Variants in SRSF1 observed in about 807,000 individuals in gnomAD.
The protein encoded by SRSF1 is serine/arginine-rich splicing factor 1.
SRSF1 carries 1 observed loss-of-function variant against 25.9 expected under a neutral mutation model. The observed-to-expected ratio is 0.04, with a 90% CI of 0.01 to 0.18. SRSF1 has a LOEUF of 0.18. Among genes scored for constraint, SRSF1 ranks in the 10% least tolerant of loss-of-function variants. SRSF1 has a pLI of 1.00. For missense variants in SRSF1, 65 were observed against 350.5 expected, an observed-to-expected ratio of 0.19 and a Z score of 6.50; for synonymous variants, 132 against 126.2, an observed-to-expected ratio of 1.05 and a Z score of -0.31.
chr17:58,006,837 A>C (rs2075432843), intron 1 of SRSF1, 107 bp downstream of exon 1: 1 of 1,356,572 alleles, frequency 7.4e-7, no homozygotes, highest in Non-Finnish European at 1.0e-6. Flanking sequence ...TCTCGCCCCA[A>C]CCTCTCTAAG....
chr17:57,989,146 C>T, the SRSF1 span: 2 of 398,404 alleles, frequency 5.0e-6, no homozygotes, highest in Admixed American at 4.4e-5. Flanking sequence ...CTGAGGTGAC[C>T]CCAGCCTGTT....
At chr17:57,999,271 C>A (rs116151458), downstream of SRSF1, among the ~76,000 whole-genome samples, 1,164 of 152,304 alleles carry the variant, frequency 7.6e-3, 11 homozygotes, top group African/African-American at 0.027. Context: ...AAAGCATATT[C>A]ATTTCTTCTA....
rs1286608309 is a variant in SRSF1, at chr17:58,005,758, G to A, written c.552+43C>T. 25 of 1,613,980 alleles carry A rather than the reference G, an allele frequency of 1.5e-5. No homozygotes were observed. The Admixed American group carries it at 2.3e-4, about 15-fold the overall frequency. On this transcript the variant is annotated intron_variant, in intron 3 of 3. Coordinates refer to ENST00000258962, the MANE Select transcript of SRSF1 (RefSeq NM_006924.5). This position sits in a 1 kb window ranked among gnomAD's most constrained non-coding sequence, Gnocchi z 5.2. ...TTGAAATTCCACTGTTAAGACCACT[G>A]TATCCAATTCTGGTCAAAGAAAAGA...
the SRSF1 span, among the ~76,000 whole-genome samples, chr17:57,995,252 A>T: frequency 6.6e-6 from 1 of 152,234 alleles, no homozygotes; most frequent in Admixed American, 6.5e-5. Flanking sequence ...TACAAATTTA[A>T]GTGTATACTC....
In SRSF1 at chr17:58,002,298, A is replaced by G. The variant is rs2075397070; in HGVS notation, c.*3108T>C. Among the ~76,000 whole-genome samples the G allele has an allele frequency of 6.6e-6, 1 of 152,184 alleles. No homozygotes were observed. The highest frequency in any genetic ancestry group is 6.5e-5 in the Admixed American group (1 of 15,274). ...CAACTTAACATCCCCTCTTCCCAAC[A>G]TTCCACAACGTTCATTAAAATCTAC... On this transcript the variant is annotated 3_prime_UTR_variant, in exon 4 of 4. Coordinates refer to ENST00000258962, the MANE Select transcript of SRSF1 (RefSeq NM_006924.5).
At chr17:57,993,215 C>G in the SRSF1 span, 2 of 152,092 alleles carry the variant, frequency 1.3e-5, no homozygotes, top group Admixed American at 6.6e-5. Flanking sequence ...ACGGTGAAAC[C>G]CTGTCTCTAC....
the SRSF1 span, chr17:57,992,899 C>T: frequency 6.6e-6 from 1 of 152,130 alleles, no homozygotes; most frequent in Admixed American, 6.5e-5. Context: ...AGTATACTCC[C>T]TGGGTAAGGA....
the SRSF1 span, chr17:57,991,363 GTT>G: frequency 6.6e-6 from 1 of 152,110 alleles, no homozygotes; most frequent in Non-Finnish European, 1.5e-5. Flanking sequence ...TATCTCTGCC[GTT>G]GTCAATTACC....
At chr17:57,996,347 G>A (rs796364439), downstream of SRSF1, among the ~76,000 whole-genome samples, 29 of 152,054 alleles carry the variant, frequency 1.9e-4, no homozygotes, top group African/African-American at 6.8e-4. Flanking sequence ...AGCTAGGTGT[G>A]GTGGCAGGTG....
downstream of SRSF1, among the ~76,000 whole-genome samples, chr17:57,998,731 C>T (rs917664005): frequency 2.0e-5 from 3 of 152,122 alleles, no homozygotes; most frequent in African/African-American, 7.2e-5. Flanking sequence ...TTAGTGTTAC[C>T]TTAGCAGGCA....
chr17:57,995,557 T>TAGAACAACCCTCAGCACACAGGGTA, the SRSF1 span, among the ~76,000 whole-genome samples: 1 of 152,208 alleles, frequency 6.6e-6, no homozygotes, highest in Admixed American at 6.5e-5. Flanking sequence ...AGTCCTACTC[T>TAGAACAACCCTCAGCACACAGGGTA]AGAACAACCC....
At chr17:57,989,749 G>A in the SRSF1 span, 1 of 398,668 alleles carries the variant, frequency 2.5e-6, no homozygotes, top group Non-Finnish European at 4.4e-6. Flanking sequence ...AAGTTCTGCA[G>A]TTTGGATCAG....
chr17:58,005,773 C>G lies in SRSF1; in HGVS notation c.552+28G>C. ...TAAGACCACTGTATCCAATTCTGGT[C>G]AAAGAAAAGAATACGTGTATAACCT... is the stretch of plus-strand genomic sequence containing the variant. On this transcript the variant is annotated intron_variant, in intron 3 of 3. Coordinates refer to ENST00000258962, the MANE Select transcript of SRSF1 (RefSeq NM_006924.5). The surrounding 1 kb of genome is among the most constrained non-coding windows in gnomAD (Gnocchi z 5.2). 6.2e-7 allele frequency: 1 copy of G among 1,614,060 alleles called. No homozygotes were observed. The highest frequency in any genetic ancestry group is 8.5e-7 in the Non-Finnish European group (1 of 1,180,022).
chr17:57,996,677 G>C (rs1446347567), downstream of SRSF1, among the ~76,000 whole-genome samples: 3 of 152,112 alleles, frequency 2.0e-5, no homozygotes, highest in Non-Finnish European at 4.4e-5. Context: ...CATTAGGTGT[G>C]ATCATGAAGG....
chr17:57,995,950 G>A (rs958329426), downstream of SRSF1, among the ~76,000 whole-genome samples: 3 of 152,268 alleles, frequency 2.0e-5, no homozygotes, highest in African/African-American at 7.2e-5. Context: ...CAAAAAGTCT[G>A]AGAAACAGAG....
rs2075409076 is a variant in SRSF1, at chr17:58,003,802, G to C, written c.*1604C>G. The C allele has an allele frequency of 6.6e-6, 1 of 152,492 alleles. No individual in the cohort carries two copies. Among genetic ancestry groups the C allele is most frequent in the Non-Finnish European group, 1.5e-5 (1 of 68,000 alleles). 9.4% of individuals were successfully genotyped at this position (152,492 alleles called of 1,614,324 possible). Reference sequence around the variant, plus strand: ...AAAAATAGGAAAAAAAAAATCTTTGGAATAGCCAATTAAGTTGAATAAAAA... The same window carrying C: ...AAAAATAGGAAAAAAAAAATCTTTGCAATAGCCAATTAAGTTGAATAAAAA... On this transcript the variant is annotated 3_prime_UTR_variant, in exon 4 of 4. Coordinates refer to ENST00000258962, the MANE Select transcript of SRSF1 (RefSeq NM_006924.5).
Position 58,005,864 on chromosome 17 carries a change from T to C in SRSF1, c.489A>G (p.Val163=), listed in dbSNP as rs779948147. Residue 163 remains valine, a synonymous_variant, in exon 3 of 4, where the codon GTA becomes GTG. Coordinates refer to ENST00000258962, the MANE Select transcript of SRSF1 (RefSeq NM_006924.5). This position sits in a 1 kb window ranked among gnomAD's most constrained non-coding sequence, Gnocchi z 5.2. ...CTGCATAGGTCATATCTTCTTTCCG[T>C]ACAAACTCCACGACACCAGTGCCAT... is the stretch of plus-strand genomic sequence containing the variant. ...YRDGTGVVEF[V]RKEDMTYAVR... 50 of 1,614,002 alleles carry C rather than the reference T, an allele frequency of 3.1e-5. No individual in the cohort carries two copies. The highest frequency in any genetic ancestry group is 4.1e-5 in the Non-Finnish European group (48 of 1,180,044).
Position 58,002,451 on chromosome 17 carries a change from TAA to T in SRSF1, c.*2953_*2954del, listed in dbSNP as rs199907196. On this transcript the variant is annotated 3_prime_UTR_variant, in exon 4 of 4. Transcript: ENST00000258962. ...TATGATTAGCACCCAAGGGAAATGT[TAA>T]AGTCTATTTATTTTAGGTCCCCTCC... Among the ~76,000 whole-genome samples, 2 of 152,340 alleles carry T rather than the reference TAA, an allele frequency of 1.3e-5. No individual in the cohort carries two copies. Among genetic ancestry groups the T allele is most frequent in the African/African-American group, 2.4e-5 (1 of 41,574 alleles).
chr17:58,006,515 G>A lies in SRSF1; in HGVS notation c.207C>T (p.Asp69=). ...CATAGCCGTCGCGACCATACACCGC[G>A]TCTTCCGCGTCTCTGCGGGATCGCA... ...VEFEDPRDAE[D]AVYGRDGYDY... is the part of the protein sequence containing the mutation. Residue 69 remains aspartate (D), a synonymous_variant, in exon 2 of 4, where the codon GAC becomes GAT. Transcript: ENST00000258962. 6.2e-7 allele frequency: 1 copy of A among 1,612,324 alleles called. No homozygotes were observed. The highest frequency in any genetic ancestry group is 8.5e-7 in the Non-Finnish European group (1 of 1,179,220).
Sources: allele counts gnomAD v4.1 joint callset (sites outside exome capture counted in the v4.1 genomes callset), GRCh38; gene constraint gnomAD v4.1.1; non-coding constraint Gnocchi (gnomAD v3.1); transcripts MANE v1.5; gene names NCBI Gene and HGNC (gene_info 2026-07-23, HGNC 2026-07-21).